Variants in MTO1 observed in about 807,000 individuals in gnomAD.
The protein encoded by MTO1 is mitochondrial tRNA translation optimization 1.
A neutral mutation model predicts 71.6 loss-of-function variants in MTO1; 46 were observed. That is an observed-to-expected ratio of 0.64 (90% CI 0.51 to 0.82). MTO1 has a LOEUF of 0.82. MTO1 is among the 40% of genes least tolerant of loss of function. MTO1 has a pLI of 0.00. For synonymous variants in MTO1, 297 were observed against 312.1 expected (o/e 0.95, Z 0.51); for missense variants, 773 against 867.5 (o/e 0.89, Z 1.37).
Position 73,482,097 on chromosome 6 carries a change from G to A in MTO1, c.1318G>A (p.Val440Ile). Residue 440 changes from valine (V) to isoleucine (I), a missense_variant, in exon 8 of 12, where the codon GTT (valine) becomes ATT (isoleucine). Physicochemically the swap from Val to Ile is conservative, Grantham distance 29. Transcript: ENST00000498286. ...LRVSRKPPFV[V>I]SRTEGYIGVL... ...GGTCAGTCGCAAGCCTCCCTTTGTGGTTAGCCGAACAGAAGGTTACATAGG... is the reference window on the plus strand; with the variant it reads ...GGTCAGTCGCAAGCCTCCCTTTGTGATTAGCCGAACAGAAGGTTACATAGG... The A allele has an allele frequency of 6.2e-7, 1 of 1,614,146 alleles. No homozygotes were observed. The highest frequency in any genetic ancestry group is 8.5e-7 in the Non-Finnish European group (1 of 1,180,042).
At position 73,480,342 on chromosome 6, in the gene MTO1, G is replaced by C. The variant is rs529796916; in HGVS notation, c.1129+216G>C. On this transcript the variant is annotated intron_variant, in intron 6 of 11. Transcript: ENST00000498286. Reference sequence around the variant, plus strand: ...GGATGGAGTGCAATGGTGCGATCTCGGCTCACCACAACCTCCCCCTGCCAG... The same window carrying C: ...GGATGGAGTGCAATGGTGCGATCTCCGCTCACCACAACCTCCCCCTGCCAG... The C allele has an allele frequency of 2.6e-5, 18 of 693,512 alleles. No individual in the cohort carries two copies. The African/African-American group carries it at 2.8e-4, about 11-fold the overall frequency. The allele number at this position is 693,512 out of a possible 1,614,324, so 43.0% of individuals were successfully genotyped here. A position where few individuals can be genotyped will look rare whatever the true frequency, so the allele number is the denominator to read the frequency against.
At position 73,509,188 on chromosome 6, in the gene MTO1, T is replaced by A. The variant is rs1753807773; in HGVS notation, c.*8453T>A. ...TATTTAACCTCTGAAAACCACACAA[T>A]CTTCTATACGCTTTTTTCACTGGAA... On this transcript the variant is annotated 3_prime_UTR_variant, in exon 12 of 12. Coordinates refer to ENST00000498286, the MANE Select transcript of MTO1 (RefSeq NM_012123.4). 6.6e-6 allele frequency: 1 copy of A among 152,208 alleles called. No homozygotes were observed. Among genetic ancestry groups the A allele is most frequent in the African/African-American group, 2.4e-5 (1 of 41,452 alleles). 9.4% of individuals were successfully genotyped at this position (152,208 alleles called of 1,614,324 possible).
intron 7 of MTO1, 74 bp from the exon 8 acceptor site, chr6:73,481,966 T>C: frequency 6.6e-7 from 1 of 1,505,986 alleles, no homozygotes; most frequent in Non-Finnish European, 9.2e-7. Flanking sequence ...CCATTGTTTC[T>C]GAGTAGTGTT....
intron 9 of MTO1, chr6:73,487,514 A>G (rs1296828254): frequency 4.1e-5 from 6 of 145,412 alleles, no homozygotes; most frequent in African/African-American, 1.5e-4. Context: ...TATACCCAGA[A>G]GTGGAATTGC....
chr6:73,488,200 G>T (rs1030621108), intron 9 of MTO1, among the ~76,000 whole-genome samples: 6 of 151,736 alleles, frequency 4.0e-5, no homozygotes, highest in African/African-American at 1.5e-4. Context: ...CAGAGACAGG[G>T]TCTCCCTCTG....
chr6:73,486,930 TG>T (rs1771669657), intron 9 of MTO1, among the ~76,000 whole-genome samples: 1 of 152,094 alleles, frequency 6.6e-6, no homozygotes, highest in South Asian at 2.1e-4. Flanking sequence ...GCCCTCCAGC[TG>T]GGGTGACAGA....
At chr6:73,466,085 T>C in intron 1 of MTO1, 124 bp from the exon 2 acceptor site, 1 of 946,202 alleles carries the variant, frequency 1.1e-6, no homozygotes, top group Non-Finnish European at 1.6e-6. Flanking sequence ...TAGTATATCT[T>C]TCACGTTTTC....
rs1713862 is a variant in MTO1 at position 73,461,744 on chromosome 6, C to G, written c.-111C>G. 1,012,352 of 1,092,352 alleles carry G rather than the reference C, an allele frequency of 0.93. 470,125 individuals are homozygous for G. Among genetic ancestry groups the G allele is most frequent in the Non-Finnish European group, 0.94 (702,261 of 750,564 alleles). The allele number at this position is 1,092,352 out of a possible 1,614,324, so 67.7% of individuals were successfully genotyped here. The stretch of plus-strand genomic sequence containing the variant: ...GCGACGCTGGACGTAGACGTCCTAC[C>G]CCGTGATATTAAAGCAAGATGGCCG... On this transcript the variant is annotated 5_prime_UTR_variant, in exon 1 of 12. Coordinates refer to ENST00000498286, the MANE Select transcript of MTO1 (RefSeq NM_012123.4).
intron 1 of MTO1, chr6:73,462,401 G>A (rs1561937452): frequency 8.1e-6 from 3 of 372,258 alleles, no homozygotes; most frequent in Non-Finnish European, 1.5e-5. Flanking sequence ...CTTCTACTAT[G>A]TTACTCCAGA....
At chr6:73,468,076 C>T (rs1012191184) in intron 3 of MTO1, among the ~76,000 whole-genome samples, 1 of 152,080 alleles carries the variant, frequency 6.6e-6, no homozygotes, top group Non-Finnish European at 1.5e-5. Context: ...GCCTCGCCCT[C>T]CCAGAGTGCT....
intron 4 of MTO1, 100 bp downstream of exon 4, chr6:73,473,754 T>G: frequency 2.1e-6 from 2 of 938,958 alleles, no homozygotes; most frequent in Non-Finnish European, 3.1e-6. Flanking sequence ...CAGTTCACTT[T>G]ATAGCACTAT....
Position 73,497,864 on chromosome 6 carries a change from C to T in MTO1, c.1885C>T (p.Arg629Ter), listed in dbSNP as rs752295415. ...IRDVSLSHEV[R>*]EKLHFSRPQT... is the part of the protein sequence containing the mutation. Reference sequence around the variant, plus strand: ...GGATGTGTCTTTGTCCCATGAAGTTCGAGAGAAACTACATTTTAGTCGTCC... The same window carrying T: ...GGATGTGTCTTTGTCCCATGAAGTTTGAGAGAAACTACATTTTAGTCGTCC... The change falls in exon 11 of 12, where the codon CGA (arginine) becomes TGA (stop). Residue 629 changes from arginine to a stop codon, truncating the protein, a stop_gained. Transcript: ENST00000498286. LOFTEE classifies it high-confidence loss of function. The T allele has an allele frequency of 8.1e-6, 13 of 1,612,040 alleles. No homozygotes were observed. Among genetic ancestry groups the T allele is most frequent in the South Asian group, 1.1e-5 (1 of 90,918 alleles).
intron 1 of MTO1, chr6:73,464,276 GA>G (rs1340522279): frequency 1.3e-5 from 2 of 152,104 alleles, no homozygotes; most frequent in Non-Finnish European, 2.9e-5. Context: ...TTCAAAGGAA[GA>G]AGGAGGAAAA....
chr6:73,485,106 A>G lies in MTO1; in HGVS notation c.1637+2486A>G, dbSNP rs532161526. 1.8e-4 allele frequency among the ~76,000 whole-genome samples: 28 copies of G among 152,072 alleles called. No homozygotes were observed. The South Asian group carries it at 5.4e-3, about 29-fold the overall frequency. On this transcript the variant is annotated intron_variant, in intron 9 of 11. Transcript: ENST00000498286. The stretch of plus-strand genomic sequence containing the variant: ...TGCTTTCTTTTATAACAAATATCAC[A>G]CTAATTCGTGTAATAGGAACTTGCA...
intron 10 of MTO1, 200 bp downstream of exon 10, chr6:73,492,552 A>C (rs1220554793): frequency 4.0e-5 from 17 of 430,238 alleles, no homozygotes; most frequent in Non-Finnish European, 7.3e-5. Context: ...GCTCATGCTT[A>C]TAATCCCAGC....
At chr6:73,487,433 G>C (rs1391224804) in intron 9 of MTO1, among the ~76,000 whole-genome samples, 2 of 151,168 alleles carry the variant, frequency 1.3e-5, no homozygotes, top group African/African-American at 4.9e-5. Flanking sequence ...CACCTGCCTC[G>C]GCCTCCCAAA....
chr6:73,469,850 A>G (rs1582674053), intron 3 of MTO1, among the ~76,000 whole-genome samples: 1 of 152,158 alleles, frequency 6.6e-6, no homozygotes. Flanking sequence ...TACTAAAAAT[A>G]CAAAATTACC....
intron 10 of MTO1, among the ~76,000 whole-genome samples, chr6:73,493,690 A>G (rs1771895220): frequency 6.7e-6 from 1 of 150,348 alleles, no homozygotes; most frequent in Admixed American, 6.7e-5. Flanking sequence ...TGCACCCAGC[A>G]TATATATATA....
At chr6:73,485,993 G>A (rs1771642489) in intron 9 of MTO1, among the ~76,000 whole-genome samples, 1 of 152,184 alleles carries the variant, frequency 6.6e-6, no homozygotes, top group Non-Finnish European at 1.5e-5. Context: ...ATGTATTGAT[G>A]TGTTAGGTAG....
Sources: allele counts gnomAD v4.1 joint callset (sites outside exome capture counted in the v4.1 genomes callset), GRCh38; gene constraint gnomAD v4.1.1; transcripts MANE v1.5; gene names NCBI Gene and HGNC (gene_info 2026-07-23, HGNC 2026-07-21).